ZNF827: variants seen among roughly 807,000 people sequenced by gnomAD.
The protein encoded by ZNF827 is zinc finger protein 827.
In ZNF827, 13 loss-of-function variants were observed where a neutral mutation model predicts 102.4. The observed-to-expected ratio is 0.13, with a 90% CI of 0.08 to 0.20. The LOEUF (loss-of-function observed/expected upper bound fraction) is 0.20, where lower values mean the gene tolerates loss of function less well. Ranked by LOEUF, ZNF827 falls within the 10% of genes least tolerant of loss-of-function variation. The probability of loss-of-function intolerance (pLI) is 1.00; values close to 1 mark genes in which losing one functional copy is unlikely to be tolerated. For missense variants in ZNF827, 1,103 were observed against 1,344.4 expected, an observed-to-expected ratio of 0.82 and a Z score of 2.81; for synonymous variants, 523 against 536.2, an observed-to-expected ratio of 0.98 and a Z score of 0.34.
At chr4:145,843,065 T>G (rs563683887) in intron 7 of ZNF827, among the ~76,000 whole-genome samples, 115 of 152,204 alleles carry the variant, frequency 7.6e-4, no homozygotes, top group African/African-American at 2.6e-3. Flanking sequence ...GAAAGAAAAT[T>G]GGCATTTTTT....
Position 145,849,358 on chromosome 4 carries a change from C to A in ZNF827, c.2185G>T (p.Val729Leu). The A allele has an allele frequency of 1.2e-6, 2 of 1,614,104 alleles. No homozygotes were observed. The highest frequency in any genetic ancestry group is 1.7e-6 in the Non-Finnish European group (2 of 1,179,996). Reference protein sequence around the residue: ...ERNLFSQDISVKMASELLFQL... With the variant: ...ERNLFSQDISLKMASELLFQL... Reference sequence around the variant, plus strand: ...AAGAGGAGCTCGGAAGCCATTTTCACAGAGATATCCTGACTGAAGAGGTTT... The same window carrying A: ...AAGAGGAGCTCGGAAGCCATTTTCAAAGAGATATCCTGACTGAAGAGGTTT... Residue 729 changes from valine to leucine, a missense_variant, in exon 6 of 15, where the codon GTG becomes TTG. Coordinates refer to ENST00000508784, the MANE Select transcript of ZNF827 (RefSeq NM_001306215.2).
intron 1 of ZNF827, chr4:145,907,103 T>C (rs757414601): frequency 6.6e-6 from 3 of 456,592 alleles, no homozygotes; most frequent in Non-Finnish European, 1.3e-5. Context: ...GAGAAATGAA[T>C]GCAAGAAAAT....
intron 1 of ZNF827, among the ~76,000 whole-genome samples, chr4:145,910,401 A>G (rs1184723914): frequency 6.6e-6 from 1 of 152,062 alleles, no homozygotes; most frequent in Non-Finnish European, 1.5e-5. Context: ...CAACTCCTCC[A>G]TCCTTTCAAT....
intron 7 of ZNF827, 108 bp downstream of exon 7, chr4:145,845,848 C>G: frequency 8.9e-7 from 1 of 1,117,606 alleles, no homozygotes; most frequent in Non-Finnish European, 1.3e-6. Context: ...GGGTGTGACT[C>G]CTTTGAACCC....
At chr4:145,912,584 T>G (rs1053178047) in intron 1 of ZNF827, among the ~76,000 whole-genome samples, 1 of 152,170 alleles carries the variant, frequency 6.6e-6, no homozygotes, top group African/African-American at 2.4e-5. Flanking sequence ...GATAATCAAG[T>G]GAAGATGAGG....
At chr4:145,779,101 T>C (rs1046546479) in intron 9 of ZNF827, among the ~76,000 whole-genome samples, 3 of 151,940 alleles carry the variant, frequency 2.0e-5, no homozygotes, top group African/African-American at 7.2e-5. Flanking sequence ...ACTCAATACA[T>C]TTTTTTTAAC....
At chr4:145,814,525 A>C (rs991699984) in intron 8 of ZNF827, among the ~76,000 whole-genome samples, 1 of 152,100 alleles carries the variant, frequency 6.6e-6, no homozygotes, top group Non-Finnish European at 1.5e-5. Context: ...CCAGTTGGCC[A>C]CATTGGTAAC....
intron 8 of ZNF827, among the ~76,000 whole-genome samples, chr4:145,795,226 C>T (rs999447855): frequency 3.3e-5 from 5 of 152,190 alleles, no homozygotes; most frequent in Non-Finnish European, 7.4e-5. Context: ...TGGCTCACTG[C>T]AATCTCTGCC....
intron 7 of ZNF827, chr4:145,834,960 G>T (rs1178489614): frequency 6.6e-6 from 1 of 152,118 alleles, no homozygotes; most frequent in South Asian, 2.1e-4. Context: ...ACTTCCAAAC[G>T]CCTGAACCGC....
intron 4 of ZNF827, among the ~76,000 whole-genome samples, chr4:145,885,117 G>T (rs1579473459): frequency 6.6e-6 from 1 of 151,686 alleles, no homozygotes; most frequent in East Asian, 1.9e-4. Flanking sequence ...GTTAAATACA[G>T]TTTGCCATAA....
chr4:145,765,444 C>A lies in ZNF827; in HGVS notation c.3052+103G>T. On this transcript the variant is annotated intron_variant, in intron 12 of 14. Transcript: ENST00000508784. The surrounding 1 kb of genome is among the most constrained non-coding windows in gnomAD (Gnocchi z 4.7). ...AGGCCCAGCATACTGCATCCTGGGC[C>A]TATTATCAGTTTTTGACATCGCTCC... 1 of 1,366,890 alleles carries A rather than the reference C, an allele frequency of 7.3e-7. No individual in the cohort carries two copies. The highest frequency in any genetic ancestry group is 9.9e-7 in the Non-Finnish European group (1 of 1,010,112). 84.7% of individuals were successfully genotyped at this position (1,366,890 alleles called of 1,614,324 possible). A position where few individuals can be genotyped will look rare whatever the true frequency, so the allele number is the denominator to read the frequency against.
At chr4:145,886,212 C>A in intron 3 of ZNF827, 54 bp from the exon 4 acceptor site, 1 of 1,531,808 alleles carries the variant, frequency 6.5e-7, no homozygotes, top group Non-Finnish European at 8.8e-7. Flanking sequence ...TGGAAAATGC[C>A]TTGCTGTAGA....
At chr4:145,835,574 C>T (rs13112857) in intron 7 of ZNF827, among the ~76,000 whole-genome samples, 27,892 of 148,564 alleles carry the variant, frequency 0.19, 3,468 homozygotes, top group East Asian at 0.68. Context: ...TATCTCATTG[C>T]CGCCCTTCTT....
chr4:145,844,445 C>T (rs1013984816), intron 7 of ZNF827, among the ~76,000 whole-genome samples: 2 of 150,054 alleles, frequency 1.3e-5, no homozygotes, highest in African/African-American at 2.4e-5. Context: ...TTTGGAAGGC[C>T]GAGGCAGGCA....
intron 1 of ZNF827, among the ~76,000 whole-genome samples, chr4:145,935,961 T>C (rs575223269): frequency 1.3e-5 from 2 of 150,102 alleles, no homozygotes; most frequent in Non-Finnish European, 3.0e-5. Flanking sequence ...CCACCCTCCC[T>C]CTAACCCCGC....
intron 5 of ZNF827, among the ~76,000 whole-genome samples, chr4:145,869,107 A>G (rs985939351): frequency 6.6e-6 from 1 of 152,244 alleles, no homozygotes; most frequent in Non-Finnish European, 1.5e-5. Context: ...GAGCTATGAT[A>G]AGAATGTAAT....
intron 4 of ZNF827, among the ~76,000 whole-genome samples, chr4:145,873,157 G>A (rs111967400): frequency 0.021 from 3,192 of 151,838 alleles, 109 homozygotes; most frequent in African/African-American, 0.072. Context: ...GGATGGTCTC[G>A]GCTTCCTGAC....
intron 1 of ZNF827, among the ~76,000 whole-genome samples, chr4:145,907,385 C>T (rs1751954054): frequency 6.6e-6 from 1 of 152,210 alleles, no homozygotes; most frequent in Non-Finnish European, 1.5e-5. Context: ...AAAGTTCTCT[C>T]ATTGTGGAGC....
intron 5 of ZNF827, among the ~76,000 whole-genome samples, chr4:145,854,686 G>A (rs1746891892): frequency 1.3e-5 from 2 of 152,200 alleles, no homozygotes; most frequent in Non-Finnish European, 2.9e-5. Context: ...AACAGAGCAT[G>A]CTGCTCCTTG....
Sources: gnomAD v4.1 joint callset for allele counts (sites outside exome capture counted in the v4.1 genomes callset) on GRCh38, gnomAD v4.1.1 for gene constraint, Gnocchi (gnomAD v3.1) non-coding constraint, MANE v1.5 for transcripts, NCBI Gene and HGNC (gene_info 2026-07-23, HGNC 2026-07-21) for gene names.